SPTLC1: variants seen among roughly 807,000 people sequenced by gnomAD.
The protein encoded by SPTLC1 is serine palmitoyltransferase 1.
In SPTLC1, 55 loss-of-function variants were observed where a neutral mutation model predicts 68.9. The observed-to-expected ratio is 0.80, with a 90% CI of 0.64 to 1.00. The LOEUF (loss-of-function observed/expected upper bound fraction) is 1.00, where lower values mean the gene tolerates loss of function less well. SPTLC1 is among the 50% of genes least tolerant of loss of function. The probability of loss-of-function intolerance (pLI) is 0.00; values close to 1 mark genes in which losing one functional copy is unlikely to be tolerated. For missense variants in SPTLC1, 449 were observed against 573.1 expected (o/e 0.78, Z 2.21); for synonymous variants, 197 against 201.6 (o/e 0.98, Z 0.19).
chr9:92,052,059 T>G (rs1833719682), intron 8 of SPTLC1, among the ~76,000 whole-genome samples: 1 of 151,972 alleles, frequency 6.6e-6, no homozygotes, highest in Admixed American at 6.6e-5. Context: ...CCCACCAAAA[T>G]CCCAACAATA....
At chr9:92,084,601 A>G (rs1222166986) in intron 3 of SPTLC1, among the ~76,000 whole-genome samples, 5 of 152,088 alleles carry the variant, frequency 3.3e-5, no homozygotes. Context: ...CCACTTGATC[A>G]TGGTGGACAA....
chr9:92,050,377 T>C (rs1833665442), intron 8 of SPTLC1: 1 of 321,054 alleles, frequency 3.1e-6, no homozygotes, highest in Non-Finnish European at 6.0e-6. Flanking sequence ...TTTCATGGCC[T>C]ATTTACTGCC....
intron 3 of SPTLC1, among the ~76,000 whole-genome samples, chr9:92,087,557 G>T (rs973914528): frequency 3.3e-5 from 5 of 152,182 alleles, no homozygotes; most frequent in Non-Finnish European, 7.3e-5. Flanking sequence ...GCAGAACAGC[G>T]GATTTTCGTG....
intron 8 of SPTLC1, among the ~76,000 whole-genome samples, chr9:92,052,561 G>C (rs928243413): frequency 6.7e-6 from 1 of 150,140 alleles, no homozygotes; most frequent in African/African-American, 2.5e-5. Flanking sequence ...ACAGAGTCTC[G>C]CTCTGTTGCC....
At chr9:92,059,120 T>C (rs1833998259) in intron 7 of SPTLC1, 59 bp downstream of exon 7, 3 of 1,587,374 alleles carry the variant, frequency 1.9e-6, no homozygotes, top group Admixed American at 1.7e-5. Flanking sequence ...ATTTCATATA[T>C]AATTTAGCTG....
chr9:92,070,129 C>T (rs1834428149), intron 5 of SPTLC1: 1 of 152,204 alleles, frequency 6.6e-6, no homozygotes, highest in Admixed American at 6.5e-5. Flanking sequence ...CTTACTGGTT[C>T]TAGCATAGTC....
Position 92,105,028 on chromosome 9 carries a change from G to A in SPTLC1, c.260+3712C>T, listed in dbSNP as rs1271617257. 62 of 1,525,426 alleles carry A rather than the reference G, an allele frequency of 4.1e-5. No individual in the cohort carries two copies. In the South Asian group the frequency reaches 5.6e-4, roughly 14 times the overall value. 94.5% of individuals were successfully genotyped at this position (1,525,426 alleles called of 1,614,324 possible). On this transcript the variant is annotated intron_variant, in intron 3 of 14. Coordinates refer to ENST00000262554, the MANE Select transcript of SPTLC1 (RefSeq NM_006415.4). ...GCTGCTCCCTGTGGCCAGAGAAGGC[G>A]GCCTTGAAGGTGCTGGGTAAAGACC...
At chr9:92,048,865 G>A (rs1448767467) in intron 9 of SPTLC1, among the ~76,000 whole-genome samples, 4 of 152,098 alleles carry the variant, frequency 2.6e-5, no homozygotes, top group East Asian at 3.8e-4. Flanking sequence ...AATAAAGCCC[G>A]TACATTCTGC....
rs368960986 is a variant in SPTLC1, at chr9:92,108,762, G to C, written c.238C>G (p.Leu80Val). Reference sequence around the variant, plus strand: ...TACCCTGAAACGATGTTGTAGTTGAGAGCAGGATGGTCTTTTGGGACAGGA... The same window carrying C: ...TACCCTGAAACGATGTTGTAGTTGACAGCAGGATGGTCTTTTGGGACAGGA... ...VPPVPKDHPA[L>V]NYNIVSGPPS... Residue 80 changes from leucine (L) to valine (V), a missense_variant, in exon 3 of 15, where the codon CTC becomes GTC. By Grantham distance (32) the Leu-to-Val change is conservative (BLOSUM62 1). This residue lies in a region of SPTLC1 where 12 missense variants were observed against 43.2 expected (regional missense o/e 0.28). Coordinates refer to ENST00000262554, the MANE Select transcript of SPTLC1 (RefSeq NM_006415.4). 3.4e-5 allele frequency: 54 copies of C among 1,606,384 alleles called. No individual in the cohort carries two copies. The highest frequency in any genetic ancestry group is 5.4e-5 in the African/African-American group (4 of 74,600).
chr9:92,058,588 T>A (rs1278004621), intron 7 of SPTLC1, among the ~76,000 whole-genome samples: 1 of 152,116 alleles, frequency 6.6e-6, no homozygotes, highest in Non-Finnish European at 1.5e-5. Context: ...CAAACCACCA[T>A]CACCTGGGTT....
intron 9 of SPTLC1, among the ~76,000 whole-genome samples, chr9:92,049,597 C>T (rs948996968): frequency 2.6e-5 from 4 of 152,094 alleles, no homozygotes; most frequent in Non-Finnish European, 4.4e-5. Context: ...CTTTCTCTGC[C>T]GTCATGAATA....
intron 6 of SPTLC1, among the ~76,000 whole-genome samples, chr9:92,065,185 G>C (rs1834238724): frequency 6.6e-6 from 1 of 152,196 alleles, no homozygotes; most frequent in Non-Finnish European, 1.5e-5. Flanking sequence ...AAAAAGATCT[G>C]TGAAGCAGCA....
At position 92,038,220 on chromosome 9, in the gene SPTLC1, G is replaced by A. The variant is rs749173748; in HGVS notation, c.1254+28C>T. ...GGGGCAAGGGCAGAAGTGGTGTGGG[G>A]GGATGCCTCAAGTCAACGGATACTT... On this transcript the variant is annotated intron_variant, in intron 13 of 14. Transcript: ENST00000262554. 4.1e-6 allele frequency: 6 copies of A among 1,455,384 alleles called. No homozygotes were observed. The Admixed American group carries it at 6.7e-5, about 16-fold the overall frequency. The allele number at this position is 1,455,384 out of a possible 1,614,324, so 90.2% of individuals were successfully genotyped here.
chr9:92,089,898 T>C (rs574106878), intron 3 of SPTLC1, among the ~76,000 whole-genome samples: 1 of 152,252 alleles, frequency 6.6e-6, no homozygotes, highest in African/African-American at 2.4e-5. Context: ...AGTCTCCCCA[T>C]AACACAGGCC....
rs778759719 is a variant in SPTLC1, at chr9:92,059,261, C to T, written c.608G>A (p.Arg203His). 8 of 1,613,992 alleles carry T rather than the reference C, an allele frequency of 5.0e-6. No individual in the cohort carries two copies. Among genetic ancestry groups the T allele is most frequent in the Admixed American group, 1.7e-5 (1 of 60,022 alleles). ...ATGCTTAAATAACTTAATGTCACTA[C>T]GGGATGCCTGTAATCCTTTCTGAAT... ...FAIQKGLQAS[R>H]SDIKLFKHND... Residue 203 changes from arginine to histidine, a missense_variant, in exon 7 of 15, where the codon CGT becomes CAT. Physicochemically the swap from Arg to His is conservative, Grantham distance 29 (BLOSUM62 0). Around this residue, in one of 3 missense-constraint regions of SPTLC1, gnomAD observed 391 missense variants for 472.1 expected, o/e 0.83. Transcript: ENST00000262554.
At chr9:92,045,299 T>A (rs1236362402) in intron 12 of SPTLC1, among the ~76,000 whole-genome samples, 1 of 150,184 alleles carries the variant, frequency 6.7e-6, no homozygotes, top group Non-Finnish European at 1.5e-5. Flanking sequence ...CAATGTGAAA[T>A]CACTTTATAT....
At chr9:92,110,612 C>T (rs567885751) in intron 2 of SPTLC1, 18 of 152,300 alleles carry the variant, frequency 1.2e-4, no homozygotes, top group African/African-American at 3.9e-4. Flanking sequence ...TTAGCATATA[C>T]CATAGCACTG....
At chr9:92,110,219 G>A (rs1205518213) in intron 2 of SPTLC1, 3 of 152,134 alleles carry the variant, frequency 2.0e-5, no homozygotes, top group African/African-American at 7.2e-5. Context: ...TCTATTATTA[G>A]TAGTAATTAC....
At chr9:92,112,602 A>G (rs763333683) in intron 1 of SPTLC1, 40 bp from the exon 2 acceptor site, 17 of 1,296,822 alleles carry the variant, frequency 1.3e-5, no homozygotes, top group Non-Finnish European at 1.5e-5. Flanking sequence ...TGAAACATAC[A>G]CTTCTAACAC....
Sources: allele counts gnomAD v4.1 joint callset (sites outside exome capture counted in the v4.1 genomes callset), GRCh38; gene constraint gnomAD v4.1.1; regional missense constraint gnomAD v4.1.1; transcripts MANE v1.5; gene names NCBI Gene and HGNC (gene_info 2026-07-23, HGNC 2026-07-21).